DSE: variants seen among roughly 807,000 people sequenced by gnomAD.
The protein encoded by DSE is dermatan-sulfate epimerase.
A neutral mutation model predicts 84.4 loss-of-function variants in DSE; 36 were observed. The ratio of observed to expected loss-of-function variants is 0.43; its 90% CI spans 0.33 to 0.56. The LOEUF (loss-of-function observed/expected upper bound fraction) is 0.56, where lower values mean the gene tolerates loss of function less well. Ranked by LOEUF, DSE falls within the 20% of genes least tolerant of loss-of-function variation. DSE has a pLI of 0.06. For synonymous variants in DSE, 410 were observed against 430.1 expected (o/e 0.95, Z 0.58); for missense variants, 862 against 1,169.6 (o/e 0.74, Z 3.84).
chr6:116,390,720 A>G (rs1780848721), intron 1 of DSE, among the ~76,000 whole-genome samples: 1 of 152,230 alleles, frequency 6.6e-6, no homozygotes, highest in Non-Finnish European at 1.5e-5. Flanking sequence ...GAATTTATTT[A>G]TAGCTTATCT....
chr6:116,281,931 T>G (rs1001166525), intron 2 of DSE, among the ~76,000 whole-genome samples: 1 of 152,378 alleles, frequency 6.6e-6, no homozygotes, highest in Non-Finnish European at 1.5e-5. Context: ...TCTATATATG[T>G]TTCAAAGGCT....
chr6:116,422,946 CTG>C (rs1783185747), intron 2 of DSE, among the ~76,000 whole-genome samples: 2 of 152,194 alleles, frequency 1.3e-5, no homozygotes, highest in African/African-American at 4.8e-5. Context: ...AGGGGTGAAA[CTG>C]TAGTTTACAA....
rs530799013 is a variant in DSE, at chr6:116,374,152, G to A, written c.-54+3031G>A. Among the ~76,000 whole-genome samples, 6 of 151,338 alleles carry A rather than the reference G, an allele frequency of 4.0e-5. No individual in the cohort carries two copies. In the South Asian group the frequency reaches 1.3e-3, roughly 32 times the overall value. ...GCAAGCTCCAACCTGTTGAGGGTGTGGATTCCAGATCCTCTTTCAGAAGAA... is the reference window on the plus strand; with the variant it reads ...GCAAGCTCCAACCTGTTGAGGGTGTAGATTCCAGATCCTCTTTCAGAAGAA... On this transcript the variant is annotated intron_variant, in intron 1 of 5. Transcript: ENST00000644252.
At chr6:116,319,740 C>A (rs1776193492) in intron 2 of DSE, among the ~76,000 whole-genome samples, 1 of 152,272 alleles carries the variant, frequency 6.6e-6, no homozygotes, top group East Asian at 1.9e-4. Context: ...ATCTGACACT[C>A]ACCTTCAAAA....
intron 2 of DSE, among the ~76,000 whole-genome samples, chr6:116,316,207 T>G (rs1371988432): frequency 6.6e-6 from 1 of 152,164 alleles, no homozygotes; most frequent in African/African-American, 2.4e-5. Context: ...GGAGTTCAGA[T>G]TGAACCTTTT....
intron 1 of DSE, 66 bp from the exon 2 acceptor site, chr6:116,399,132 T>C: frequency 7.5e-7 from 1 of 1,329,312 alleles, no homozygotes; most frequent in Non-Finnish European, 1.0e-6. Flanking sequence ...ACCTCTTATA[T>C]GTTTCCACAC....
At chr6:116,332,035 C>G (rs79529263) in intron 2 of DSE, among the ~76,000 whole-genome samples, 18 of 152,212 alleles carry the variant, frequency 1.2e-4, no homozygotes, top group Non-Finnish European at 2.5e-4. Context: ...ACAGATAGTT[C>G]TTAGAATTGA....
chr6:116,410,080 C>T (rs1782214015), intron 2 of DSE, among the ~76,000 whole-genome samples: 1 of 152,066 alleles, frequency 6.6e-6, no homozygotes, highest in Non-Finnish European at 1.5e-5. Flanking sequence ...ACTGTGAAGC[C>T]ACTGAAAGGT....
chr6:116,282,812 A>G (rs1433474099), intron 2 of DSE, among the ~76,000 whole-genome samples: 1 of 152,220 alleles, frequency 6.6e-6, no homozygotes, highest in Non-Finnish European at 1.5e-5. Flanking sequence ...AGGGAAAAGC[A>G]AATATGCATA....
At chr6:116,406,129 C>G (rs767710884) in intron 2 of DSE, among the ~76,000 whole-genome samples, 7 of 152,140 alleles carry the variant, frequency 4.6e-5, no homozygotes, top group Non-Finnish European at 7.4e-5. Flanking sequence ...TGGTATGACC[C>G]TCAAGTCATC....
intron 2 of DSE, among the ~76,000 whole-genome samples, chr6:116,289,655 A>T (rs568287873): frequency 6.6e-6 from 1 of 152,176 alleles, no homozygotes; most frequent in South Asian, 2.1e-4. Flanking sequence ...ATAAAAAGTA[A>T]AGAAAACCAG....
chr6:116,313,406 G>A (rs1775800028), intron 2 of DSE, among the ~76,000 whole-genome samples: 1 of 152,178 alleles, frequency 6.6e-6, no homozygotes, highest in Admixed American at 6.5e-5. Context: ...TTGAAATGAA[G>A]CCAAACAGAA....
intron 5 of DSE, among the ~76,000 whole-genome samples, chr6:116,433,866 A>G (rs1170840245): frequency 2.0e-5 from 3 of 152,162 alleles, no homozygotes; most frequent in African/African-American, 7.2e-5. Flanking sequence ...TACTGTTTTC[A>G]GTTTTTGGTT....
intron 2 of DSE, among the ~76,000 whole-genome samples, chr6:116,262,107 CAT>C (rs1772438218): frequency 6.6e-6 from 1 of 152,166 alleles, no homozygotes; most frequent in Admixed American, 6.5e-5. Context: ...ATGTTGGCCT[CAT>C]AGAATAAGTT....
intron 2 of DSE, among the ~76,000 whole-genome samples, chr6:116,340,816 A>G (rs1241980756): frequency 6.6e-6 from 1 of 151,660 alleles, no homozygotes. Flanking sequence ...AAGGACATGA[A>G]CTCATCCTTT....
At chr6:116,266,445 A>C (rs541796627) in intron 2 of DSE, among the ~76,000 whole-genome samples, 21 of 152,206 alleles carry the variant, frequency 1.4e-4, no homozygotes, top group Non-Finnish European at 7.3e-5. Context: ...GGCTTAGGGG[A>C]AAAAATCTCA....
At chr6:116,427,138 A>G (rs140418350) in intron 3 of DSE, among the ~76,000 whole-genome samples, 1 of 146,580 alleles carries the variant, frequency 6.8e-6, no homozygotes, top group Admixed American at 6.7e-5. Flanking sequence ...GAAGACAGCC[A>G]TCCTGGAATA....
At chr6:116,313,820 C>G (rs1775826689) in intron 2 of DSE, among the ~76,000 whole-genome samples, 1 of 152,148 alleles carries the variant, frequency 6.6e-6, no homozygotes, top group Non-Finnish European at 1.5e-5. Context: ...AGTTCATGAA[C>G]ATGCCTATCA....
intron 1 of DSE, among the ~76,000 whole-genome samples, chr6:116,388,703 T>C (rs530345378): frequency 6.6e-6 from 1 of 152,354 alleles, no homozygotes; most frequent in African/African-American, 2.4e-5. Context: ...TTTTCATCTG[T>C]TGCATTTCAT....
Sources: allele counts gnomAD v4.1 joint callset (sites outside exome capture counted in the v4.1 genomes callset), GRCh38; gene constraint gnomAD v4.1.1; transcripts MANE v1.5; gene names NCBI Gene and HGNC (gene_info 2026-07-23, HGNC 2026-07-21).